Variants in GFRAL observed in about 807,000 individuals in gnomAD.
The protein encoded by GFRAL is GDNF family receptor alpha like.
In GFRAL, 36 loss-of-function variants were observed where a neutral mutation model predicts 45.4. The ratio of observed to expected loss-of-function variants is 0.79; its 90% CI spans 0.61 to 1.05. The LOEUF is 1.05. Among genes scored for constraint, GFRAL ranks in the 50% least tolerant of loss-of-function variants. GFRAL has a pLI of 0.00. For missense variants in GFRAL, 507 were observed against 467.5 expected (o/e 1.08, Z -0.78); for synonymous variants, 166 against 154.1 (o/e 1.08, Z -0.57).
Position 55,327,548 on chromosome 6 carries a change from GTC to G in GFRAL, c.-6_-5del. On this transcript the variant is annotated 5_prime_UTR_variant, in exon 1 of 9. Transcript: ENST00000340465. ...TTTTCCAGGTGAACTGCCGTGAGTT[GTC>G]CAGCATGATAGTGTTTATTTTCTTG... The G allele has an allele frequency of 6.2e-7, 1 of 1,612,874 alleles. No individual in the cohort carries two copies. Among genetic ancestry groups the G allele is most frequent in the Non-Finnish European group, 8.5e-7 (1 of 1,179,162 alleles).
At chr6:55,372,072 T>C (rs763823877) in intron 6 of GFRAL, among the ~76,000 whole-genome samples, 12 of 152,186 alleles carry the variant, frequency 7.9e-5, no homozygotes, top group Non-Finnish European at 1.8e-4. Context: ...GAGGTCCTTG[T>C]CTTATTTGGA....
chr6:55,360,465 T>C (rs986900186), intron 6 of GFRAL, among the ~76,000 whole-genome samples: 5 of 152,058 alleles, frequency 3.3e-5, no homozygotes, highest in Non-Finnish European at 7.4e-5. Flanking sequence ...TATATTTCTA[T>C]TTTTCTTTAC....
rs977587348 is a variant in GFRAL at position 55,397,343 on chromosome 6, C to T, written c.953-1837C>T. On this transcript the variant is annotated intron_variant, in intron 6 of 8. Transcript: ENST00000340465. ...ACCATCCTGGCTAACAAGGTGAAACCCCGTCTCTACTAAAAATACAAAAAA... is the reference window on the plus strand; with the variant it reads ...ACCATCCTGGCTAACAAGGTGAAACTCCGTCTCTACTAAAAATACAAAAAA... Among the ~76,000 whole-genome samples the T allele has an allele frequency of 5.6e-5, 8 of 141,636 alleles. 1 individual carries two copies. The highest frequency in any genetic ancestry group is 1.6e-4 in the African/African-American group (6 of 36,858). 92.9% of individuals were successfully genotyped at this position (141,636 alleles called of 152,430 possible). A position where few individuals can be genotyped will look rare whatever the true frequency, so the allele number is the denominator to read the frequency against.
chr6:55,397,701 A>G (rs1768845667), intron 6 of GFRAL, among the ~76,000 whole-genome samples: 1 of 151,938 alleles, frequency 6.6e-6, no homozygotes, highest in Non-Finnish European at 1.5e-5. Context: ...CTCTCTACTG[A>G]TTATTGTTAA....
chr6:55,358,853 T>G (rs762090900), intron 5 of GFRAL, 35 bp from the exon 6 acceptor site: 1 of 1,598,068 alleles, frequency 6.3e-7, no homozygotes, highest in Non-Finnish European at 8.6e-7. Flanking sequence ...ATAACACTAT[T>G]CAAAACTAAT....
intron 5 of GFRAL, among the ~76,000 whole-genome samples, chr6:55,358,360 C>G (rs1028554639): frequency 7.9e-5 from 12 of 151,800 alleles, no homozygotes; most frequent in African/African-American, 2.9e-4. Flanking sequence ...AATTTTATTA[C>G]AGCAATAATC....
chr6:55,344,155 A>C (rs909774557), intron 3 of GFRAL, among the ~76,000 whole-genome samples: 1 of 152,200 alleles, frequency 6.6e-6, no homozygotes, highest in Non-Finnish European at 1.5e-5. Context: ...TCCAATCAAT[A>C]GAAAAAGAGG....
intron 6 of GFRAL, among the ~76,000 whole-genome samples, chr6:55,389,726 T>A (rs1254981518): frequency 6.6e-6 from 1 of 152,200 alleles, no homozygotes; most frequent in Non-Finnish European, 1.5e-5. Context: ...CTCACTCCAC[T>A]CTATTATCTA....
intron 6 of GFRAL, among the ~76,000 whole-genome samples, chr6:55,395,315 T>C (rs1468830897): frequency 2.0e-5 from 3 of 151,628 alleles, no homozygotes; most frequent in Non-Finnish European, 4.4e-5. Flanking sequence ...TATATATTTT[T>C]TCATTGAAAG....
intron 6 of GFRAL, among the ~76,000 whole-genome samples, chr6:55,382,542 A>G (rs1356371476): frequency 1.3e-5 from 2 of 151,880 alleles, no homozygotes; most frequent in African/African-American, 4.8e-5. Flanking sequence ...TTCAAATTTA[A>G]AATATAAATA....
chr6:55,375,985 G>A (rs745622124), intron 6 of GFRAL, among the ~76,000 whole-genome samples: 2 of 152,110 alleles, frequency 1.3e-5, no homozygotes, highest in Non-Finnish European at 1.5e-5. Context: ...TATAATATTG[G>A]TTGTGGATTT....
chr6:55,399,433 C>A lies in GFRAL; in HGVS notation c.1113C>A (p.Val371=). 6.2e-7 allele frequency: 1 copy of A among 1,600,960 alleles called. No homozygotes were observed. Among genetic ancestry groups the A allele is most frequent in the South Asian group, 1.1e-5 (1 of 90,782 alleles). The part of the protein sequence containing the change: ...VTCGILLLVM[V]KLRTSRISSK... ...GTGGAATCCTTCTGTTGGTTATGGT[C>A]AAGCTTAGGTAACTGAATATAAATT... Residue 371 remains valine (V), a synonymous_variant, in exon 8 of 9, where the codon GTC becomes GTA. Transcript: ENST00000340465.
intron 6 of GFRAL, among the ~76,000 whole-genome samples, chr6:55,383,354 A>C (rs942594650): frequency 6.6e-6 from 1 of 152,016 alleles, no homozygotes; most frequent in African/African-American, 2.4e-5. Context: ...ACAATTATGC[A>C]CTGCATAATG....
chr6:55,331,028 A>C (rs1000248756), intron 1 of GFRAL, among the ~76,000 whole-genome samples: 1 of 152,148 alleles, frequency 6.6e-6, no homozygotes, highest in Non-Finnish European at 1.5e-5. Flanking sequence ...GATCCTGTGA[A>C]AGTGTTTCTG....
intron 3 of GFRAL, among the ~76,000 whole-genome samples, chr6:55,342,940 A>G (rs1400293411): frequency 2.0e-5 from 3 of 152,200 alleles, no homozygotes; most frequent in African/African-American, 7.2e-5. Flanking sequence ...AGGCCATTAC[A>G]TAATGGTAAA....
intron 1 of GFRAL, among the ~76,000 whole-genome samples, chr6:55,330,650 C>G (rs190298856): frequency 1.3e-5 from 2 of 152,012 alleles, no homozygotes; most frequent in African/African-American, 4.8e-5. Context: ...ATTCGGGAAA[C>G]GATAAATGCT....
intron 6 of GFRAL, among the ~76,000 whole-genome samples, chr6:55,390,935 A>AC (rs764218405): frequency 0.017 from 1,353 of 81,130 alleles, 19 homozygotes; most frequent in African/African-American, 0.068. Flanking sequence ...CACACACACA[A>AC]GTAGTGGTCT....
At chr6:55,395,171 A>AT (rs1327884681) in intron 6 of GFRAL, among the ~76,000 whole-genome samples, 107 of 90,850 alleles carry the variant, frequency 1.2e-3, no homozygotes, top group Admixed American at 1.6e-3. Flanking sequence ...GGAAAAAAAA[A>AT]AAAAATATAT....
chr6:55,345,455 G>A (rs7745586), intron 3 of GFRAL, among the ~76,000 whole-genome samples: 75,783 of 151,966 alleles, frequency 0.5, 20,458 homozygotes, highest in Non-Finnish European at 0.63. Context: ...AGGATTCCCT[G>A]TTGAATAACT....
Sources: allele counts gnomAD v4.1 joint callset (sites outside exome capture counted in the v4.1 genomes callset), GRCh38; gene constraint gnomAD v4.1.1; transcripts MANE v1.5; gene names NCBI Gene and HGNC (gene_info 2026-07-23, HGNC 2026-07-21).